CCT5: variants seen among roughly 807,000 people sequenced by gnomAD.
The protein encoded by CCT5 is T-complex protein 1 subunit epsilon.
Under a neutral mutation model 55.0 loss-of-function variants are expected in CCT5, and 6 were observed. The observed-to-expected ratio is 0.11, with a 90% CI of 0.06 to 0.22. The LOEUF (loss-of-function observed/expected upper bound fraction) is 0.22, where lower values mean the gene tolerates loss of function less well. Ranked by LOEUF, CCT5 falls within the 10% of genes least tolerant of loss-of-function variation. The probability of loss-of-function intolerance (pLI) is 1.00; values close to 1 mark genes in which losing one functional copy is unlikely to be tolerated. For missense variants in CCT5, 560 were observed against 694.6 expected (o/e 0.81, Z 2.18); for synonymous variants, 231 against 243.7 (o/e 0.95, Z 0.49).
At chr5:10,250,163 G>A (rs1277926197), upstream of CCT5, 2 of 1,538,042 alleles carry the variant, frequency 1.3e-6, no homozygotes, top group East Asian at 2.5e-5. Context: ...AGTTCCCGAA[G>A]GCCGCCGATT....
rs554376123 is a variant in CCT5, at chr5:10,250,281, C to T, written c.-60C>T. 5.3e-4 allele frequency: 851 copies of T among 1,611,620 alleles called. 6 individuals carry two copies. In the African/African-American group the frequency reaches 7.1e-3, roughly 13 times the overall value. On this transcript the variant is annotated 5_prime_UTR_variant, in exon 1 of 11. Transcript: ENST00000280326. ...TGGGCCCTCCCGAGAAAGGGAAGTGCATTCTCGCTTCCGTAGCGGTCTCCG... is the reference window on the plus strand; with the variant it reads ...TGGGCCCTCCCGAGAAAGGGAAGTGTATTCTCGCTTCCGTAGCGGTCTCCG...
At chr5:10,257,083 ATGTT>A in intron 4 of CCT5, among the ~76,000 whole-genome samples, 1 of 152,336 alleles carries the variant, frequency 6.6e-6, no homozygotes, top group African/African-American at 2.4e-5. Context: ...TCAGTGAGAG[ATGTT>A]TTCAATTGTG....
chr5:10,256,801 T>C (rs1414915241), intron 4 of CCT5, among the ~76,000 whole-genome samples: 1 of 152,234 alleles, frequency 6.6e-6, no homozygotes, highest in East Asian at 1.9e-4. Context: ...GTTCCACTTT[T>C]TATTCAGCAA....
chr5:10,252,865 A>T (rs1745497145), intron 1 of CCT5, among the ~76,000 whole-genome samples: 1 of 151,920 alleles, frequency 6.6e-6, no homozygotes, highest in Non-Finnish European at 1.5e-5. Flanking sequence ...GGATTTCGGG[A>T]TCTCTCCTAT....
intron 1 of CCT5, among the ~76,000 whole-genome samples, chr5:10,253,635 GC>G (rs550675974): frequency 7.0e-4 from 106 of 152,306 alleles, no homozygotes; most frequent in African/African-American, 2.4e-3. Context: ...ATGAGTACAG[GC>G]CCCTCCTTGT....
At chr5:10,261,478 A>G (rs769126593) in intron 7 of CCT5, 82 bp from the exon 8 acceptor site, 2 of 1,351,280 alleles carry the variant, frequency 1.5e-6, no homozygotes, top group South Asian at 1.2e-5. Flanking sequence ...TCTTAGATCA[A>G]GTTTTGCTCA....
intron 1 of CCT5, among the ~76,000 whole-genome samples, chr5:10,252,009 T>A (rs1745447151): frequency 6.6e-6 from 1 of 152,246 alleles, no homozygotes; most frequent in Non-Finnish European, 1.5e-5. Context: ...GAAGAGCAGT[T>A]GCTACTAAAG....
In CCT5 at chr5:10,263,149, C is replaced by G; in HGVS notation, c.1333C>G (p.Gln445Glu). 6.2e-7 allele frequency: 1 copy of G among 1,614,174 alleles called. No homozygotes were observed. The highest frequency in any genetic ancestry group is 8.5e-7 in the Non-Finnish European group (1 of 1,180,018). The change falls in exon 10 of 11, where the codon CAG (glutamine) becomes GAG (glutamate). Residue 445 changes from glutamine (Q) to glutamate (E), a missense_variant. Gln to Glu is a conservative substitution (Grantham distance 29). Around this residue, in one of 4 missense-constraint regions of CCT5, gnomAD observed 256 missense variants for 372.4 expected, o/e 0.69. Transcript: ENST00000280326. ...ACCTTTCCAGTGCCCCACCTTAGAACAGTATGCCATGAGAGCGTTTGCCGA... is the reference window on the plus strand; with the variant it reads ...ACCTTTCCAGTGCCCCACCTTAGAAGAGTATGCCATGAGAGCGTTTGCCGA... ...QEADKCPTLE[Q>E]YAMRAFADAL...
rs532407004 is a variant in CCT5 at position 10,253,048 on chromosome 5, G to A, written c.106-1097G>A. Reference sequence around the variant, plus strand: ...TTCCTTAAGAGGGCCAGTTTCAGCCGGGCGTGGTTGCTCAAACCTGTAATC... The same window carrying A: ...TTCCTTAAGAGGGCCAGTTTCAGCCAGGCGTGGTTGCTCAAACCTGTAATC... On this transcript the variant is annotated intron_variant, in intron 1 of 10. Coordinates refer to ENST00000280326, the MANE Select transcript of CCT5 (RefSeq NM_012073.5). 1.7e-3 allele frequency among the ~76,000 whole-genome samples: 260 copies of A among 152,200 alleles called. 1 individual carries two copies. The highest frequency in any genetic ancestry group is 3.0e-3 in the Non-Finnish European group (207 of 68,008).
Position 10,261,742 on chromosome 5 carries a change from G to T in CCT5, c.1176G>T (p.Lys392Asn), listed in dbSNP as rs759556512. 6 of 1,613,234 alleles carry T rather than the reference G, an allele frequency of 3.7e-6. No individual in the cohort carries two copies. In the South Asian group the frequency reaches 6.6e-5, roughly 18 times the overall value. ...CCATTTTTATTAGAGGAGGAAATAA[G>T]ATGGTGAGAATTCAACTATTTGTCC... is the stretch of plus-strand genomic sequence containing the variant. ...AVTIFIRGGN[K>N]MIIEEAKRSL... Residue 392 changes from lysine (K) to asparagine (N), a missense_variant, in exon 8 of 11, where the codon AAG becomes AAT. By Grantham distance (94) the Lys-to-Asn change is moderately conservative. Transcript: ENST00000280326.
intron 10 of CCT5, among the ~76,000 whole-genome samples, chr5:10,263,809 G>A (rs1746098199): frequency 6.6e-6 from 1 of 152,190 alleles, no homozygotes; most frequent in African/African-American, 2.4e-5. Context: ...AGGCATTTCT[G>A]TACTAAATCA....
In CCT5 at chr5:10,264,898, A is replaced by ATTTT; in HGVS notation, c.*116_*117insTTTT. Reference sequence around the variant, plus strand: ...TCCTTTTCCAGACACTGTAGATGCTATAATAAAAATAGCTGTTTGGTAACC... The same window carrying ATTTT: ...TCCTTTTCCAGACACTGTAGATGCTATTTTTAATAAAAATAGCTGTTTGGTAACC... On this transcript the variant is annotated 3_prime_UTR_variant, in exon 11 of 11. Coordinates refer to ENST00000280326, the MANE Select transcript of CCT5 (RefSeq NM_012073.5). 3 of 1,342,870 alleles carry ATTTT rather than the reference A, an allele frequency of 2.2e-6. No individual in the cohort carries two copies. Among genetic ancestry groups the ATTTT allele is most frequent in the Non-Finnish European group, 3.1e-6 (3 of 958,454 alleles). The allele number at this position is 1,342,870 out of a possible 1,614,324, so 83.2% of individuals were successfully genotyped here. A position where few individuals can be genotyped will look rare whatever the true frequency, so the allele number is the denominator to read the frequency against.
Position 10,263,252 on chromosome 5 carries a change from C to T in CCT5, c.1436C>T (p.Ala479Val), listed in dbSNP as rs1282981380. 2 of 1,614,140 alleles carry T rather than the reference C, an allele frequency of 1.2e-6. No individual in the cohort carries two copies. Among genetic ancestry groups the T allele is most frequent in the East Asian group, 4.5e-5 (2 of 44,878 alleles). ...NPIQTMTEVRARQVKEMNPAL... is the reference protein window; with the variant it reads ...NPIQTMTEVRVRQVKEMNPAL... ...ATCCAGACTATGACCGAAGTCCGAG[C>T]CAGACAGGTGAAGGAGATGAACCCT... is the stretch of plus-strand genomic sequence containing the variant. Residue 479 changes from alanine to valine, a missense_variant, in exon 10 of 11, where the codon GCC (alanine) becomes GTC (valine). By Grantham distance (64) the Ala-to-Val change is moderately conservative. This residue lies in a region of CCT5 where 115 missense variants were observed against 105.0 expected (regional missense o/e 1.10). Transcript: ENST00000280326.
chr5:10,250,339 C>G lies in CCT5; in HGVS notation c.-2C>G, dbSNP rs1400034463. ...GGGGGAAGTAATTCCGGTTGTTGCACCATGGCGTCCATGGGGACCCTCGCC... is the reference window on the plus strand; with the variant it reads ...GGGGGAAGTAATTCCGGTTGTTGCAGCATGGCGTCCATGGGGACCCTCGCC... On this transcript the variant is annotated 5_prime_UTR_variant, in exon 1 of 11. Coordinates refer to ENST00000280326, the MANE Select transcript of CCT5 (RefSeq NM_012073.5). 8.1e-6 allele frequency: 13 copies of G among 1,614,028 alleles called. No individual in the cohort carries two copies. Among genetic ancestry groups the G allele is most frequent in the Non-Finnish European group, 1.0e-5 (12 of 1,180,024 alleles).
At chr5:10,262,649 T>C in intron 9 of CCT5, 31 bp downstream of exon 9, 1 of 1,612,986 alleles carries the variant, frequency 6.2e-7, no homozygotes, top group African/African-American at 1.3e-5. Flanking sequence ...TAGTGAAAGA[T>C]TCAGGCCTCG....
At position 10,261,625 on chromosome 5, in the gene CCT5, G is replaced by A. The variant is rs114634318; in HGVS notation, c.1059G>A (p.Leu353=). 935 of 1,614,166 alleles carry A rather than the reference G, an allele frequency of 5.8e-4. 9 individuals carry two copies. In the African/African-American group the frequency reaches 0.012, roughly 20 times the overall value. The change falls in exon 8 of 11, where the codon CTG becomes CTA. Residue 353 remains leucine, a synonymous_variant. Coordinates refer to ENST00000280326, the MANE Select transcript of CCT5 (RefSeq NM_012073.5). ...TCTCAGAGCTCACAGCCGAGAAGCT[G>A]GGCTTTGCTGGTCTTGTACAGGAGA... ...PRFSELTAEK[L]GFAGLVQEIS...
At chr5:10,264,465 G>T in intron 10 of CCT5, 191 bp from the exon 11 acceptor site, 1 of 569,084 alleles carries the variant, frequency 1.8e-6, no homozygotes, top group South Asian at 2.0e-5. Flanking sequence ...GCGAGTTCCA[G>T]AGTGTCCTTG....
Position 10,263,965 on chromosome 5 carries a change from G to A in CCT5, c.1498+651G>A, listed in dbSNP as rs1746104945. On this transcript the variant is annotated intron_variant, in intron 10 of 10. Transcript: ENST00000280326. ...TTAATGTTTCTAACTTGAATGCCTG[G>A]TTGTGCTCAAATTTAGCATTTCTAG... is the stretch of plus-strand genomic sequence containing the variant. Among the ~76,000 whole-genome samples the A allele has an allele frequency of 2.0e-5, 3 of 152,278 alleles. No individual in the cohort carries two copies. In the South Asian group the frequency reaches 6.2e-4, roughly 32 times the overall value.
chr5:10,256,076 C>T lies in CCT5; in HGVS notation c.453C>T (p.Ile151=). 1 of 1,614,076 alleles carries T rather than the reference C, an allele frequency of 6.2e-7. No individual in the cohort carries two copies. Among genetic ancestry groups the T allele is most frequent in the Non-Finnish European group, 8.5e-7 (1 of 1,179,954 alleles). The change falls in exon 4 of 11, where the codon ATC becomes ATT. Residue 151 remains isoleucine (I), a synonymous_variant. Transcript: ENST00000280326. ...TTGCTATTGAACACCTGGACAAGATCAGCGATAGCGTCCTTGTTGACATAA... is the reference window on the plus strand; with the variant it reads ...TTGCTATTGAACACCTGGACAAGATTAGCGATAGCGTCCTTGTTGACATAA... ...ARVAIEHLDK[I]SDSVLVDIKD...
Sources: allele counts gnomAD v4.1 joint callset (sites outside exome capture counted in the v4.1 genomes callset), GRCh38; gene constraint gnomAD v4.1.1; regional missense constraint gnomAD v4.1.1; transcripts MANE v1.5; gene names NCBI Gene and HGNC (gene_info 2026-07-23, HGNC 2026-07-21).